The following SMIM19 variants were observed in gnomAD, a reference collection of about 807,000 sequenced individuals.
SMIM19 encodes UPF0697 protein C8orf40.
SMIM19 carries 6 observed loss-of-function variants against 13.2 expected under a neutral mutation model. The observed-to-expected ratio is 0.45, with a 90% confidence interval of 0.25 to 0.90. The LOEUF (loss-of-function observed/expected upper bound fraction) is 0.90. Among genes scored for constraint, SMIM19 ranks in the 40% least tolerant of loss-of-function variants. SMIM19 has a pLI of 0.19. For missense variants in SMIM19, 138 were observed against 131.0 expected (o/e 1.05, Z -0.26); for synonymous variants, 46 against 43.1 (o/e 1.07, Z -0.27).
At position 42,546,459 on chromosome 8, in the gene SMIM19, T is replaced by C. The variant is rs1483948345; in HGVS notation, c.-4-10T>C. On this transcript the variant is annotated splice_polypyrimidine_tract_variant and intron_variant, in intron 1 of 3. Coordinates refer to ENST00000417410, the MANE Select transcript of SMIM19 (RefSeq NM_001135674.2). ...TTAAAAGAAACCCTGCTTTCTTTTC[T>C]CTCTTACAGCCCCATGGCTGGGGGT... The C allele has an allele frequency of 1.9e-6, 3 of 1,588,682 alleles. No individual in the cohort carries two copies. In the South Asian group the frequency reaches 3.5e-5, roughly 18 times the overall value.
In SMIM19 at chr8:42,548,515, C is replaced by T. The variant is rs1361118359; in HGVS notation, c.135-141C>T. 2.8e-6 allele frequency: 3 copies of T among 1,061,874 alleles called. No individual in the cohort carries two copies. The South Asian group carries it at 3.9e-5, about 14-fold the overall frequency. 65.8% of individuals were successfully genotyped at this position (1,061,874 alleles called of 1,614,324 possible). Reference sequence around the variant, plus strand: ...AGAATACTTTGAGCCAAGGAAGCAGCTCTCAAAGACAAAATAGAAAGTAAA... The same window carrying T: ...AGAATACTTTGAGCCAAGGAAGCAGTTCTCAAAGACAAAATAGAAAGTAAA... On this transcript the variant is annotated intron_variant, in intron 2 of 3. Coordinates refer to ENST00000417410, the MANE Select transcript of SMIM19 (RefSeq NM_001135674.2).
intron 1 of SMIM19, among the ~76,000 whole-genome samples, chr8:42,543,148 A>G (rs1813331838): frequency 6.6e-6 from 1 of 152,198 alleles, no homozygotes; most frequent in Admixed American, 6.5e-5. Flanking sequence ...ATTACAGGAA[A>G]ATGTGAAAAA....
rs1243283709 is a variant in SMIM19, at chr8:42,553,295, G to C, written c.*687G>C. 1.3e-5 allele frequency: 1 copy of C among 78,140 alleles called. No individual in the cohort carries two copies. Among genetic ancestry groups the C allele is most frequent in the Non-Finnish European group, 2.4e-5 (1 of 42,100 alleles). The allele number at this position is 78,140 out of a possible 1,614,324, so 4.8% of individuals were successfully genotyped here. On this transcript the variant is annotated 3_prime_UTR_variant, in exon 4 of 4. Coordinates refer to ENST00000417410, the MANE Select transcript of SMIM19 (RefSeq NM_001135674.2). ...TAATTTTAGAAGCTTTCTGTAACTA[G>C]ATTTTTCCTCATTATGCTCCCAGGA...
rs538645019 is a variant in SMIM19 at position 42,551,199 on chromosome 8, T to G, written c.260-1345T>G. ...AGGGCATGATGGCGGGCACCTGTAG[T>G]CCCAGCTACTCAGGAGGCTGAGGCA... On this transcript the variant is annotated intron_variant, in intron 3 of 3. Transcript: ENST00000417410. Among the ~76,000 whole-genome samples the G allele has an allele frequency of 4.0e-5, 6 of 151,580 alleles. No individual in the cohort carries two copies. In the South Asian group the frequency reaches 1.3e-3, roughly 32 times the overall value.
chr8:42,547,619 A>G (rs1419855025), intron 2 of SMIM19, among the ~76,000 whole-genome samples: 3 of 152,202 alleles, frequency 2.0e-5, no homozygotes, highest in Admixed American at 6.5e-5. Flanking sequence ...GTGCATGACT[A>G]TATCATAGCA....
chr8:42,553,949 T>G lies in SMIM19; in HGVS notation c.*1341T>G, dbSNP rs1199716654. The G allele has an allele frequency of 6.6e-6, 1 of 150,662 alleles. No homozygotes were observed. The highest frequency in any genetic ancestry group is 6.6e-5 in the Admixed American group (1 of 15,106). The allele number at this position is 150,662 out of a possible 1,614,324, so 9.3% of individuals were successfully genotyped here. A position where few individuals can be genotyped will look rare whatever the true frequency, so the allele number is the denominator to read the frequency against. On this transcript the variant is annotated 3_prime_UTR_variant, in exon 4 of 4. Transcript: ENST00000417410. ...ATGAGCCAAGATCACACCACTGCAT[T>G]CCAGCCTAGGCGACAGAGCAAGACT... is the stretch of plus-strand genomic sequence containing the variant.
At chr8:42,546,070 T>C (rs1813469202) in intron 1 of SMIM19, among the ~76,000 whole-genome samples, 1 of 152,170 alleles carries the variant, frequency 6.6e-6, no homozygotes, top group South Asian at 2.1e-4. Flanking sequence ...AATCCGTAGA[T>C]GCCCAAGTCC....
At position 42,552,600 on chromosome 8, in the gene SMIM19, T is replaced by C. The variant is rs1412493640; in HGVS notation, c.316T>C (p.Leu106=). The C allele has an allele frequency of 1.2e-6, 2 of 1,614,142 alleles. No individual in the cohort carries two copies. Among genetic ancestry groups the C allele is most frequent in the Admixed American group, 1.7e-5 (1 of 60,026 alleles). The change falls in exon 4 of 4, where the codon TTG becomes CTG. Residue 106 remains leucine (L), a synonymous_variant. Transcript: ENST00000417410. ...CCAAGCTGACAGTGTGCAACTCTCATTGGAATGAAACCTCAGAAAAAGAGC... is the reference window on the plus strand; with the variant it reads ...CCAAGCTGACAGTGTGCAACTCTCACTGGAATGAAACCTCAGAAAAAGAGC... The part of the protein sequence containing the change: ...QNQADSVQLS[L]E
At position 42,541,616 on chromosome 8, in the gene SMIM19, A is replaced by ACCGTTTCCCGCGCGCCCGGCCC. The variant is rs1813174435; in HGVS notation, c.-760_-739dup. On this transcript the variant is annotated 5_prime_UTR_variant, in exon 1 of 4. Transcript: ENST00000417410. Reference sequence around the variant, plus strand: ...AGAGGGCGTCCAGGTCCGCTCGGTAACCGTTTCCCGCGCGCCCGGCCCCGA... The same window carrying ACCGTTTCCCGCGCGCCCGGCCC: ...AGAGGGCGTCCAGGTCCGCTCGGTAACCGTTTCCCGCGCGCCCGGCCCCCGTTTCCCGCGCGCCCGGCCCCGA... 3.4e-5 allele frequency: 5 copies of ACCGTTTCCCGCGCGCCCGGCCC among 149,086 alleles called. No homozygotes were observed. The South Asian group carries it at 8.4e-4, about 25-fold the overall frequency. The allele number at this position is 149,086 out of a possible 1,614,324, so 9.2% of individuals were successfully genotyped here. A position where few individuals can be genotyped will look rare whatever the true frequency, so the allele number is the denominator to read the frequency against.
At chr8:42,549,222 G>A (rs1813587837) in intron 3 of SMIM19, among the ~76,000 whole-genome samples, 1 of 152,118 alleles carries the variant, frequency 6.6e-6, no homozygotes, top group Non-Finnish European at 1.5e-5. Flanking sequence ...GACCAGGCTG[G>A]CCAAGATGGT....
chr8:42,544,698 T>C (rs1586323414), intron 1 of SMIM19, among the ~76,000 whole-genome samples: 2 of 152,224 alleles, frequency 1.3e-5, no homozygotes, highest in South Asian at 2.1e-4. Flanking sequence ...TTCATGATAC[T>C]CACTTTATTC....
Position 42,552,585 on chromosome 8 carries a change from A to G in SMIM19, c.301A>G (p.Ser101Gly). 1.2e-6 allele frequency: 2 copies of G among 1,614,176 alleles called. No homozygotes were observed. The highest frequency in any genetic ancestry group is 8.5e-7 in the Non-Finnish European group (1 of 1,180,018). ...TCAGCAGCCACAAAACCAAGCTGAC[A>G]GTGTGCAACTCTCATTGGAATGAAA... ...DYQQPQNQAD[S>G]VQLSLE Residue 101 changes from serine to glycine, a missense_variant, in exon 4 of 4, where the codon AGT becomes GGT. Ser to Gly is a moderately conservative substitution (Grantham distance 56). Transcript: ENST00000417410.
chr8:42,548,844 G>C (rs1305322253), intron 3 of SMIM19, 64 bp downstream of exon 3: 17 of 1,489,072 alleles, frequency 1.1e-5, no homozygotes, highest in Non-Finnish European at 1.5e-5. Flanking sequence ...CTGGAATTGA[G>C]TTCATTTAGC....
chr8:42,552,275 G>A (rs1586332558), intron 3 of SMIM19, among the ~76,000 whole-genome samples: 1 of 152,022 alleles, frequency 6.6e-6, no homozygotes, highest in African/African-American at 2.4e-5. Flanking sequence ...AAAATTAGCC[G>A]GGTGTGGTGG....
chr8:42,546,944 C>T (rs564172727), intron 2 of SMIM19, among the ~76,000 whole-genome samples: 9 of 151,774 alleles, frequency 5.9e-5, no homozygotes, highest in South Asian at 2.1e-4. Flanking sequence ...TCCAGCCTGG[C>T]GACAGAGCAA....
chr8:42,549,816 G>T lies in SMIM19; in HGVS notation c.259+1036G>T, dbSNP rs769035751. On this transcript the variant is annotated intron_variant, in intron 3 of 3. Coordinates refer to ENST00000417410, the MANE Select transcript of SMIM19 (RefSeq NM_001135674.2). ...AAAAAAAAAAGTACAGAGCCTTGGG[G>T]CCAGGTGTGATGGCTCACGCCTGTA... 3.9e-5 allele frequency among the ~76,000 whole-genome samples: 6 copies of T among 152,206 alleles called. No individual in the cohort carries two copies. In the South Asian group the frequency reaches 8.3e-4, roughly 21 times the overall value.
chr8:42,542,811 T>TAAA (rs570846971), intron 1 of SMIM19, among the ~76,000 whole-genome samples: 7 of 141,866 alleles, frequency 4.9e-5, no homozygotes, highest in African/African-American at 1.6e-4. Context: ...CCCCCGTCTT[T>TAAA]AAAAAAAAAA....
intron 1 of SMIM19, among the ~76,000 whole-genome samples, chr8:42,543,716 A>G (rs1347239208): frequency 6.6e-6 from 1 of 152,218 alleles, no homozygotes; most frequent in Admixed American, 6.5e-5. Context: ...TTTTGTCATT[A>G]GAAAATAGGA....
chr8:42,551,426 T>TCAATTAACGTTTCTTAGAAGTA (rs1813673647), intron 3 of SMIM19, among the ~76,000 whole-genome samples: 1 of 152,208 alleles, frequency 6.6e-6, no homozygotes, highest in Non-Finnish European at 1.5e-5. Context: ...CAGTTTTTCT[T>TCAATTAACGTTTCTTAGAAGTA]CAATTAACGT....
Sources: gnomAD v4.1 joint callset for allele counts (sites outside exome capture counted in the v4.1 genomes callset) on GRCh38, gnomAD v4.1.1 for gene constraint, MANE v1.5 for transcripts, NCBI Gene and HGNC (gene_info 2026-07-23, HGNC 2026-07-21) for gene names.